The following DOCK3 variants were observed in gnomAD, a reference collection of about 807,000 sequenced individuals.
DOCK3 encodes dedicator of cytokinesis 3, also known as dedicator of cytokinesis protein 3.
DOCK3 carries 60 observed loss-of-function variants against 265.6 expected under a neutral mutation model. The observed-to-expected ratio is 0.23, with a 90% CI of 0.18 to 0.28. DOCK3 has a LOEUF of 0.28. Ranked by LOEUF, DOCK3 falls within the 10% of genes least tolerant of loss-of-function variation. DOCK3 has a pLI of 1.00. For missense variants in DOCK3, 1,981 were observed against 2,594.3 expected (o/e 0.76, Z 5.14); for synonymous variants, 881 against 938.0 (o/e 0.94, Z 1.11).
intron 9 of DOCK3, among the ~76,000 whole-genome samples, chr3:51,143,252 G>A (rs1258089230): frequency 1.1e-5 from 1 of 94,156 alleles, no homozygotes; most frequent in African/African-American, 4.6e-5. Flanking sequence ...TGTGGTTTTT[G>A]TTTTCTGTTT....
chr3:50,910,455 C>T (rs1373591947), intron 4 of DOCK3, among the ~76,000 whole-genome samples: 1 of 152,124 alleles, frequency 6.6e-6, no homozygotes, highest in Non-Finnish European at 1.5e-5. Context: ...CAGCTCTTAG[C>T]CCAGCACAGC....
intron 1 of DOCK3, among the ~76,000 whole-genome samples, chr3:50,700,846 A>G (rs1206197658): frequency 3.3e-5 from 5 of 152,168 alleles, no homozygotes; most frequent in Non-Finnish European, 5.9e-5. Flanking sequence ...TTAGTTCTAT[A>G]TAGTATAGTA....
intron 27 of DOCK3, among the ~76,000 whole-genome samples, chr3:51,304,752 A>C (rs1427437566): frequency 6.6e-6 from 1 of 152,056 alleles, no homozygotes; most frequent in Non-Finnish European, 1.5e-5. Flanking sequence ...GAGCCATCGC[A>C]CCACCCTGCT....
At chr3:51,360,740 A>G in intron 47 of DOCK3, 108 bp downstream of exon 47, 2 of 1,429,130 alleles carry the variant, frequency 1.4e-6, no homozygotes, top group Non-Finnish European at 9.4e-7. Context: ...TTACCCATGC[A>G]CACAGCAAAC....
chr3:51,348,170 C>T (rs946911012), intron 38 of DOCK3, among the ~76,000 whole-genome samples: 2 of 152,146 alleles, frequency 1.3e-5, no homozygotes, highest in African/African-American at 2.4e-5. Flanking sequence ...AAGGCCACTG[C>T]AGCCTTCTCT....
chr3:51,288,926 GCCCA>G (rs1388488929), intron 27 of DOCK3, among the ~76,000 whole-genome samples: 1 of 151,228 alleles, frequency 6.6e-6, no homozygotes, highest in Non-Finnish European at 1.5e-5. Flanking sequence ...GTGTGTGTGT[GCCCA>G]TGTGTGTGTA....
chr3:51,171,544 G>A (rs1393834038), intron 12 of DOCK3, among the ~76,000 whole-genome samples: 3 of 151,820 alleles, frequency 2.0e-5, no homozygotes, highest in Non-Finnish European at 4.4e-5. Context: ...GTGAAATCCC[G>A]TCTCTACTAA....
rs2086569301 is a variant in DOCK3 at position 51,359,233 on chromosome 3, G to A, written c.4884+1156G>A. Among the ~76,000 whole-genome samples the A allele has an allele frequency of 6.6e-6, 1 of 152,192 alleles. No individual in the cohort carries two copies. The highest frequency in any genetic ancestry group is 6.5e-5 in the Admixed American group (1 of 15,282). Reference sequence around the variant, plus strand: ...TGTGTTCTTGGATGCTGCAGGTTCTGGTCATCTCCGTCCCTCCAGGCTCCC... The same window carrying A: ...TGTGTTCTTGGATGCTGCAGGTTCTAGTCATCTCCGTCCCTCCAGGCTCCC... On this transcript the variant is annotated intron_variant, in intron 46 of 52. Transcript: ENST00000266037. The surrounding 1 kb of genome is among the most constrained non-coding windows in gnomAD (Gnocchi z 4.8).
At position 51,361,796 on chromosome 3, in the gene DOCK3, C is replaced by T. The variant is rs1483313185; in HGVS notation, c.5007-63C>T. 2.5e-6 allele frequency: 4 copies of T among 1,570,926 alleles called. No individual in the cohort carries two copies. Among genetic ancestry groups the T allele is most frequent in the Admixed American group, 1.8e-5 (1 of 55,916 alleles). On this transcript the variant is annotated intron_variant, in intron 47 of 52. Coordinates refer to ENST00000266037, the MANE Select transcript of DOCK3 (RefSeq NM_004947.5). The surrounding 1 kb of genome is among the most constrained non-coding windows in gnomAD (Gnocchi z 4.2). Reference sequence around the variant, plus strand: ...GGATGACTATTCCACACATTCCGCTCTACTGTCCCCCTGCCACCTGCCATG... The same window carrying T: ...GGATGACTATTCCACACATTCCGCTTTACTGTCCCCCTGCCACCTGCCATG...
chr3:51,009,005 C>T (rs2078815085), intron 5 of DOCK3, among the ~76,000 whole-genome samples: 1 of 152,112 alleles, frequency 6.6e-6, no homozygotes, highest in South Asian at 2.1e-4. Context: ...TGATGTGCCG[C>T]TGGATTTGGT....
chr3:51,113,694 A>G (rs941511794), intron 9 of DOCK3, among the ~76,000 whole-genome samples: 1 of 152,132 alleles, frequency 6.6e-6, no homozygotes, highest in African/African-American at 2.4e-5. Flanking sequence ...TCATACCCCA[A>G]CACTGATACT....
chr3:51,366,842 T>C (rs1379853579), intron 49 of DOCK3, among the ~76,000 whole-genome samples: 1 of 152,254 alleles, frequency 6.6e-6, no homozygotes, highest in Non-Finnish European at 1.5e-5. Flanking sequence ...GATTGCACTG[T>C]GGTCTGAGGC....
chr3:51,000,724 C>T (rs2078452127), intron 5 of DOCK3, among the ~76,000 whole-genome samples: 1 of 152,118 alleles, frequency 6.6e-6, no homozygotes, highest in Non-Finnish European at 1.5e-5. Flanking sequence ...GCGATCTTGG[C>T]TCACTGCAAC....
chr3:51,081,175 G>A (rs1016638379), intron 7 of DOCK3, among the ~76,000 whole-genome samples: 5 of 151,892 alleles, frequency 3.3e-5, no homozygotes, highest in Non-Finnish European at 7.4e-5. Flanking sequence ...TTTTATATAG[G>A]GTTAAATATA....
At chr3:51,333,943 C>T (rs966049874) in intron 35 of DOCK3, among the ~76,000 whole-genome samples, 3 of 151,800 alleles carry the variant, frequency 2.0e-5, no homozygotes, top group Admixed American at 6.6e-5. Flanking sequence ...TAGGCTCAAG[C>T]GATCCTCCCA....
intron 12 of DOCK3, among the ~76,000 whole-genome samples, chr3:51,186,466 A>C (rs538289503): frequency 6.6e-6 from 1 of 152,220 alleles, no homozygotes; most frequent in Non-Finnish European, 1.5e-5. Context: ...AATAGAAAAG[A>C]AAATTACATT....
intron 1 of DOCK3, among the ~76,000 whole-genome samples, chr3:50,753,862 A>G (rs1445493366): frequency 6.6e-6 from 1 of 152,030 alleles, no homozygotes; most frequent in Admixed American, 6.6e-5. Context: ...TTGAAGTTGC[A>G]TTTTCCTTTG....
chr3:50,852,940 G>A (rs1179745274), intron 3 of DOCK3, among the ~76,000 whole-genome samples: 2 of 152,078 alleles, frequency 1.3e-5, no homozygotes, highest in Non-Finnish European at 2.9e-5. Context: ...TGGGATACAT[G>A]TGATGTTTTG....
chr3:51,372,088 T>C (rs2087730198), intron 49 of DOCK3, among the ~76,000 whole-genome samples: 2 of 152,184 alleles, frequency 1.3e-5, no homozygotes, highest in African/African-American at 4.8e-5. Context: ...GGGAAAGCAC[T>C]GTATCGGTCA....
Sources: gnomAD v4.1 joint callset for allele counts (sites outside exome capture counted in the v4.1 genomes callset) on GRCh38, gnomAD v4.1.1 for gene constraint, Gnocchi (gnomAD v3.1) non-coding constraint, MANE v1.5 for transcripts, NCBI Gene and HGNC (gene_info 2026-07-23, HGNC 2026-07-21) for gene names.